PARD3: variants seen among roughly 807,000 people sequenced by gnomAD.
PARD3 encodes the protein par-3 family cell polarity regulator.
A neutral mutation model predicts 155.4 loss-of-function variants in PARD3; 75 were observed. The ratio of observed to expected loss-of-function variants is 0.48; its 90% confidence interval spans 0.40 to 0.58. The LOEUF (loss-of-function observed/expected upper bound fraction) is 0.58. Among genes scored for constraint, PARD3 ranks in the 20% least tolerant of loss-of-function variants. The pLI, the probability that PARD3 is intolerant of heterozygous loss-of-function variation, is 0.00. For missense variants in PARD3, 1,642 were observed against 1,721.7 expected, an observed-to-expected ratio of 0.95 and a Z score of 0.82; for synonymous variants, 576 against 610.5, an observed-to-expected ratio of 0.94 and a Z score of 0.83.
rs200036252 is a variant in PARD3, at chr10:34,540,601, AAAAC to A, written c.223-23446_223-23443del. On this transcript the variant is annotated intron_variant, in intron 2 of 24. Coordinates refer to ENST00000374788, the MANE Select transcript of PARD3 (RefSeq NM_001184785.2). ...AATACAGCAAGATACTGTCTCTACA[AAAAC>A]AAACAAACAAACAAAAATAGAAATA... 8.9e-3 allele frequency among the ~76,000 whole-genome samples: 1,351 copies of A among 152,242 alleles called. 17 individuals carry two copies. Among genetic ancestry groups the A allele is most frequent in the African/African-American group, 0.031 (1,286 of 41,530 alleles).
intron 3 of PARD3, among the ~76,000 whole-genome samples, chr10:34,480,801 T>C (rs1305149944): frequency 2.0e-5 from 3 of 148,946 alleles, no homozygotes; most frequent in Non-Finnish European, 3.0e-5. Context: ...TTTCTTTTTT[T>C]TTTTTTTTTT....
intron 22 of PARD3, among the ~76,000 whole-genome samples, chr10:34,245,623 G>A (rs1953899177): frequency 6.8e-6 from 1 of 146,340 alleles, no homozygotes; most frequent in African/African-American, 2.6e-5. Context: ...AACAAGGAAT[G>A]TGTGGAGAAG....
chr10:34,776,664 G>A (rs565635066), intron 1 of PARD3, among the ~76,000 whole-genome samples: 1 of 151,668 alleles, frequency 6.6e-6, no homozygotes, highest in Non-Finnish European at 1.5e-5. Flanking sequence ...CTAATCATAT[G>A]TTCTCTTGGT....
chr10:34,159,876 G>A (rs72784171), intron 22 of PARD3, among the ~76,000 whole-genome samples: 6,749 of 152,258 alleles, frequency 0.044, 219 homozygotes, highest in African/African-American at 0.09. Context: ...TAAACAGAGT[G>A]CATACTTTTC....
At chr10:34,725,763 A>C (rs1357863752) in intron 1 of PARD3, among the ~76,000 whole-genome samples, 1 of 152,208 alleles carries the variant, frequency 6.6e-6, no homozygotes, top group East Asian at 1.9e-4. Flanking sequence ...CAGATGACAC[A>C]ATGTCCAGCC....
chr10:34,559,462 AAAG>A (rs2085287515), intron 2 of PARD3, among the ~76,000 whole-genome samples: 1 of 152,016 alleles, frequency 6.6e-6, no homozygotes, highest in Non-Finnish European at 1.5e-5. Context: ...AAAAAAAAAA[AAAG>A]AAAAGAAACT....
chr10:34,665,840 A>AAGAAAAGAACAGAAC (rs1244817189), intron 2 of PARD3, among the ~76,000 whole-genome samples: 17 of 136,584 alleles, frequency 1.2e-4, no homozygotes, highest in African/African-American at 4.9e-4. Context: ...GTCTCAATTA[A>AAGAAAAGAACAGAAC]AGAACAGAAC....
intron 22 of PARD3, among the ~76,000 whole-genome samples, chr10:34,184,450 T>C (rs1309458395): frequency 1.3e-5 from 2 of 152,124 alleles, no homozygotes; most frequent in Non-Finnish European, 1.5e-5. Context: ...CCCTGGCTCA[T>C]AGGGGGTTTA....
rs72788270 is a variant in PARD3, at chr10:34,416,004, A to T, written c.715-14087T>A. Among the ~76,000 whole-genome samples the T allele has an allele frequency of 3.2e-3, 490 of 152,280 alleles. 1 individual carries two copies. Among genetic ancestry groups the T allele is most frequent in the Admixed American group, 6.1e-3 (93 of 15,288 alleles). Reference sequence around the variant, plus strand: ...TTCATGAATCTGCCAGGCACTATACACACGCTGTTCCTATTCTAGGAATAG... The same window carrying T: ...TTCATGAATCTGCCAGGCACTATACTCACGCTGTTCCTATTCTAGGAATAG... On this transcript the variant is annotated intron_variant, in intron 5 of 24. Transcript: ENST00000374788.
intron 22 of PARD3, among the ~76,000 whole-genome samples, chr10:34,206,461 G>A (rs775871672): frequency 6.6e-6 from 1 of 152,174 alleles, no homozygotes; most frequent in Non-Finnish European, 1.5e-5. Context: ...ATGCAGGACA[G>A]GCAAGCCCCA....
At chr10:34,801,454 G>A (rs1013266956) in intron 1 of PARD3, among the ~76,000 whole-genome samples, 1 of 152,124 alleles carries the variant, frequency 6.6e-6, no homozygotes, top group Non-Finnish European at 1.5e-5. Flanking sequence ...TGAAAAAGAC[G>A]GATGAGAGGA....
At chr10:34,295,801 T>TTGAGGAAATAATTTTTCCAATTATTTC (rs1255397730) in intron 20 of PARD3, among the ~76,000 whole-genome samples, 32 of 152,218 alleles carry the variant, frequency 2.1e-4, no homozygotes, top group South Asian at 8.3e-4. Context: ...GTTCAGAGAC[T>TTGAGGAAATAATTTTTCCAATTATTTC]CTATTGAGGA....
At chr10:34,686,639 G>C (rs544298538) in intron 2 of PARD3, among the ~76,000 whole-genome samples, 1 of 152,180 alleles carries the variant, frequency 6.6e-6, no homozygotes, top group African/African-American at 2.4e-5. Context: ...TACTCAGGAG[G>C]CTGAGGCAGG....
chr10:34,755,946 G>C (rs547597737), intron 1 of PARD3, among the ~76,000 whole-genome samples: 9 of 152,044 alleles, frequency 5.9e-5, no homozygotes, highest in Middle Eastern at 3.4e-3. Flanking sequence ...TCTAGTTCTG[G>C]GGACTAACAG....
At chr10:34,192,437 G>C (rs1452396670) in intron 22 of PARD3, among the ~76,000 whole-genome samples, 1 of 152,138 alleles carries the variant, frequency 6.6e-6, no homozygotes, top group Non-Finnish European at 1.5e-5. Flanking sequence ...TCTTGTGTCT[G>C]AGACAGAAAC....
At chr10:34,779,096 G>A (rs1396830340) in intron 1 of PARD3, among the ~76,000 whole-genome samples, 1 of 149,678 alleles carries the variant, frequency 6.7e-6, no homozygotes, top group Non-Finnish European at 1.5e-5. Context: ...GGATCACTTG[G>A]GGTCAGGAGC....
chr10:34,423,427 C>T (rs994659325), intron 5 of PARD3, among the ~76,000 whole-genome samples: 5 of 152,104 alleles, frequency 3.3e-5, no homozygotes, highest in Non-Finnish European at 7.4e-5. Context: ...TAACAATATA[C>T]TGTATACTTG....
chr10:34,618,363 T>C (rs1369245899), intron 2 of PARD3, among the ~76,000 whole-genome samples: 3 of 152,164 alleles, frequency 2.0e-5, no homozygotes, highest in Non-Finnish European at 4.4e-5. Context: ...AACACTGAAA[T>C]AGATTCCTTT....
intron 22 of PARD3, 46 bp from the exon 23 acceptor site, chr10:34,131,629 T>A (rs745652016): frequency 1.3e-6 from 2 of 1,580,242 alleles, no homozygotes; most frequent in Admixed American, 3.4e-5. Context: ...AGAAATATTA[T>A]CTGTGAACTG....
Sources: allele counts gnomAD v4.1 joint callset (sites outside exome capture counted in the v4.1 genomes callset), GRCh38; gene constraint gnomAD v4.1.1; transcripts MANE v1.5; gene names NCBI Gene and HGNC (gene_info 2026-07-23, HGNC 2026-07-21).